ACTN1: variants seen among roughly 807,000 people sequenced by gnomAD.
ACTN1 encodes alpha-actinin-1.
Under a neutral mutation model 119.6 loss-of-function variants are expected in ACTN1, and 30 were observed. The ratio of observed to expected loss-of-function variants is 0.25; its 90% CI spans 0.19 to 0.34. ACTN1 has a LOEUF of 0.34. Ranked by LOEUF, ACTN1 falls within the 10% of genes least tolerant of loss-of-function variation. The pLI is 1.00. For synonymous variants in ACTN1, 429 were observed against 472.6 expected, an observed-to-expected ratio of 0.91 and a Z score of 1.20; for missense variants, 764 against 1,223.4, an observed-to-expected ratio of 0.62 and a Z score of 5.60.
At chr14:68,913,432 G>A (rs767490227) in intron 3 of ACTN1, among the ~76,000 whole-genome samples, 5 of 152,134 alleles carry the variant, frequency 3.3e-5, no homozygotes, top group Non-Finnish European at 5.9e-5. Flanking sequence ...AATTTTAGGG[G>A]AGACCCAATA....
rs1594828879 is a variant in ACTN1, at chr14:68,928,322, C to G, written c.106-2650G>C. ...AACACACCTATGTTTGCTCAGGTCT[C>G]CTGGACAAAGCCCTGGAACATGGCT... is the stretch of plus-strand genomic sequence containing the variant. On this transcript the variant is annotated intron_variant, in intron 1 of 21. Transcript: ENST00000394419. Among the ~76,000 whole-genome samples, 5 of 152,168 alleles carry G rather than the reference C, an allele frequency of 3.3e-5. No homozygotes were observed. In the South Asian group the frequency reaches 8.3e-4, roughly 25 times the overall value.
At position 68,879,184 on chromosome 14, in the gene ACTN1, C is replaced by G; in HGVS notation, c.2281-115G>C. The G allele has an allele frequency of 4.7e-5, 1 of 21,384 alleles. No individual in the cohort carries two copies. Among genetic ancestry groups the G allele is most frequent in the Non-Finnish European group, 8.8e-5 (1 of 11,404 alleles). The allele number at this position is 21,384 out of a possible 1,614,324, so 1.3% of individuals were successfully genotyped here. On this transcript the variant is annotated intron_variant, in intron 18 of 21. Coordinates refer to ENST00000394419, the MANE Select transcript of ACTN1 (RefSeq NM_001130004.2). The surrounding 1 kb of genome is among the most constrained non-coding windows in gnomAD (Gnocchi z 4.9). ...GTGGGGAGACACAGGGACAGGCATGCGGAGGGAGGGTGGGGGGGCGGGGGA... is the reference window on the plus strand; with the variant it reads ...GTGGGGAGACACAGGGACAGGCATGGGGAGGGAGGGTGGGGGGGCGGGGGA...
At chr14:68,938,160 G>A (rs1452875530) in intron 1 of ACTN1, among the ~76,000 whole-genome samples, 1 of 152,230 alleles carries the variant, frequency 6.6e-6, no homozygotes, top group African/African-American at 2.4e-5. Flanking sequence ...GCCGTCAGCT[G>A]GTTCATGCGC....
In ACTN1 at chr14:68,878,242, T is replaced by G; in HGVS notation, c.2427+216A>C. 1.9e-6 allele frequency: 1 copy of G among 536,784 alleles called. No homozygotes were observed. Among genetic ancestry groups the G allele is most frequent in the Non-Finnish European group, 3.2e-6 (1 of 315,226 alleles). 33.3% of individuals were successfully genotyped at this position (536,784 alleles called of 1,614,324 possible). A position where few individuals can be genotyped will look rare whatever the true frequency, so the allele number is the denominator to read the frequency against. On this transcript the variant is annotated intron_variant, in intron 20 of 21. Transcript: ENST00000394419. The surrounding 1 kb of genome is among the most constrained non-coding windows in gnomAD (Gnocchi z 4.4). ...ACCAGAAGATGAAGTGGCACAGAGA[T>G]TGAGGCGAGGAGGTCAGGCCTCCCG...
At position 68,909,305 on chromosome 14, in the gene ACTN1, T is replaced by A. The variant is rs1402540956; in HGVS notation, c.594+13A>T. ...CAGGGACCCAAAGCGGGTGGTCAGGTGGGCACACATACCTTCCGCAGCTTC... is the reference window on the plus strand; with the variant it reads ...CAGGGACCCAAAGCGGGTGGTCAGGAGGGCACACATACCTTCCGCAGCTTC... On this transcript the variant is annotated intron_variant, in intron 6 of 21. Coordinates refer to ENST00000394419, the MANE Select transcript of ACTN1 (RefSeq NM_001130004.2). The surrounding 1 kb of genome is among the most constrained non-coding windows in gnomAD (Gnocchi z 4.1). The A allele has an allele frequency of 1.2e-6, 2 of 1,613,356 alleles. No homozygotes were observed. The highest frequency in any genetic ancestry group is 1.7e-6 in the Non-Finnish European group (2 of 1,179,856).
intron 11 of ACTN1, chr14:68,887,978 G>A (rs898422191): frequency 2.6e-5 from 20 of 776,180 alleles, no homozygotes; most frequent in South Asian, 1.3e-4. Flanking sequence ...TGCGTTTTTC[G>A]GCTTCGCTTC....
intron 4 of ACTN1, among the ~76,000 whole-genome samples, chr14:68,911,806 C>T (rs2034025501): frequency 6.6e-6 from 1 of 152,148 alleles, no homozygotes; most frequent in African/African-American, 2.4e-5. Flanking sequence ...AAGTGGAGGA[C>T]GGGGTTAGCG....
At chr14:68,932,513 CTTTTTTT>C (rs753725900) in intron 1 of ACTN1, among the ~76,000 whole-genome samples, 3 of 87,302 alleles carry the variant, frequency 3.4e-5, no homozygotes, top group African/African-American at 4.5e-5. Flanking sequence ...ATACACCCAG[CTTTTTTT>C]TTTTTTTTTT....
chr14:68,954,017 C>G (rs2036265407), intron 1 of ACTN1, among the ~76,000 whole-genome samples: 1 of 152,124 alleles, frequency 6.6e-6, no homozygotes, highest in Non-Finnish European at 1.5e-5. Context: ...ATCCTCTAGC[C>G]TTAACATAGC....
At chr14:68,884,514 G>A (rs1389636880) in intron 13 of ACTN1, among the ~76,000 whole-genome samples, 2 of 152,216 alleles carry the variant, frequency 1.3e-5, no homozygotes, top group East Asian at 3.8e-4. Context: ...AGAATAGGAG[G>A]GTTCTCAAAT....
intron 1 of ACTN1, among the ~76,000 whole-genome samples, chr14:68,938,886 T>A (rs2035654926): frequency 6.6e-6 from 1 of 151,850 alleles, no homozygotes; most frequent in African/African-American, 2.4e-5. Flanking sequence ...GAGACGGGCC[T>A]CTGGCCAAGA....
intron 2 of ACTN1, among the ~76,000 whole-genome samples, chr14:68,924,567 C>G (rs139351380): frequency 3.1e-4 from 47 of 152,194 alleles, no homozygotes; most frequent in African/African-American, 1.1e-3. Context: ...AGAGGCACCG[C>G]GGGCTGAGGG....
intron 1 of ACTN1, among the ~76,000 whole-genome samples, chr14:68,968,636 T>A (rs1364707540): frequency 6.6e-6 from 1 of 152,238 alleles, no homozygotes; most frequent in African/African-American, 2.4e-5. Context: ...CAAGGTACTC[T>A]TTCCTGAAAA....
intron 1 of ACTN1, among the ~76,000 whole-genome samples, chr14:68,957,186 A>G (rs978874825): frequency 6.6e-6 from 1 of 152,242 alleles, no homozygotes; most frequent in East Asian, 1.9e-4. Context: ...CACAGCTCTA[A>G]GAACATCGAG....
At chr14:68,903,840 C>T (rs564636788) in intron 7 of ACTN1, among the ~76,000 whole-genome samples, 13 of 143,808 alleles carry the variant, frequency 9.0e-5, no homozygotes, top group African/African-American at 2.3e-4. Context: ...CCATCCGAGA[C>T]GCTCTACACA....
Position 68,902,527 on chromosome 14 carries a change from T to C in ACTN1, c.712A>G (p.Ile238Val). 1.2e-6 allele frequency: 2 copies of C among 1,613,902 alleles called. No homozygotes were observed. The highest frequency in any genetic ancestry group is 1.7e-6 in the Non-Finnish European group (2 of 1,179,880). The part of the protein sequence containing the change: ...VGTARPDEKA[I>V]MTYVSSFYHA... The stretch of plus-strand genomic sequence containing the variant: ...TAGAAGCTAGACACGTAAGTCATGA[T>C]GGCTTTCTCATCCGGTCGGGCAGTT... The change falls in exon 8 of 22, where the codon ATC becomes GTC. Residue 238 changes from isoleucine to valine, a missense_variant. By Grantham distance (29) the Ile-to-Val change is conservative. Coordinates refer to ENST00000394419, the MANE Select transcript of ACTN1 (RefSeq NM_001130004.2).
chr14:68,920,378 A>G (rs2034570018), intron 3 of ACTN1, among the ~76,000 whole-genome samples: 1 of 152,232 alleles, frequency 6.6e-6, no homozygotes, highest in Non-Finnish European at 1.5e-5. Context: ...AGGGGCCTGG[A>G]TAGAACATTT....
intron 8 of ACTN1, among the ~76,000 whole-genome samples, chr14:68,898,925 C>T (rs2033073833): frequency 6.6e-6 from 1 of 151,434 alleles, no homozygotes; most frequent in African/African-American, 2.4e-5. Context: ...ACACCCCTCA[C>T]ACATGCCACA....
intron 11 of ACTN1, chr14:68,887,693 A>G: frequency 1.5e-6 from 2 of 1,352,228 alleles, no homozygotes; most frequent in Non-Finnish European, 2.1e-6. Context: ...GCTACTAAAA[A>G]GCTTGCATTT....
Sources: allele counts gnomAD v4.1 joint callset (sites outside exome capture counted in the v4.1 genomes callset), GRCh38; gene constraint gnomAD v4.1.1; non-coding constraint Gnocchi (gnomAD v3.1); transcripts MANE v1.5; gene names NCBI Gene and HGNC (gene_info 2026-07-23, HGNC 2026-07-21).